Variants in PLXNA2 observed in about 807,000 individuals in gnomAD.
PLXNA2 encodes the protein plexin A2.
PLXNA2 carries 91 observed loss-of-function variants against 193.5 expected under a neutral mutation model. The ratio of observed to expected loss-of-function variants is 0.47; its 90% confidence interval spans 0.40 to 0.56. PLXNA2 has a LOEUF of 0.56. Among genes scored for constraint, PLXNA2 ranks in the 20% least tolerant of loss-of-function variants. The pLI is 0.00. For missense variants in PLXNA2, 1,995 were observed against 2,503.2 expected, an observed-to-expected ratio of 0.80 and a Z score of 4.33; for synonymous variants, 997 against 1,027.3, an observed-to-expected ratio of 0.97 and a Z score of 0.56.
intron 3 of PLXNA2, among the ~76,000 whole-genome samples, chr1:208,155,722 C>T (rs530537845): frequency 3.2e-4 from 49 of 152,320 alleles, no homozygotes; most frequent in African/African-American, 1.2e-3. Flanking sequence ...GGACTTGTCC[C>T]ACCCTCCCTG....
chr1:208,074,036 C>T (rs1666059819), intron 12 of PLXNA2, among the ~76,000 whole-genome samples: 1 of 152,168 alleles, frequency 6.6e-6, no homozygotes, highest in Non-Finnish European at 1.5e-5. Flanking sequence ...TAGGGCAGCC[C>T]TAGGAAACTG....
Position 208,210,343 on chromosome 1 carries a change from G to A in PLXNA2, c.1308C>T (p.Ala436=). Residue 436 remains alanine, a synonymous_variant, in exon 3 of 32, where the codon GCC becomes GCT. Transcript: ENST00000367033. ...TTSRDRMTSV[A]SYVYNGYSVV... ...CGCTGTAGCCGTTGTAAACGTAGGA[G>A]GCCACAGAGGTCATGCGGTCCCTGC... The A allele has an allele frequency of 1.2e-6, 2 of 1,614,048 alleles. No homozygotes were observed. The highest frequency in any genetic ancestry group is 1.1e-5 in the South Asian group (1 of 91,076).
intron 4 of PLXNA2, among the ~76,000 whole-genome samples, chr1:208,135,840 A>G (rs1668285034): frequency 6.6e-6 from 1 of 152,180 alleles, no homozygotes; most frequent in South Asian, 2.1e-4. Flanking sequence ...GACCACACGC[A>G]TCAGAATCAC....
chr1:208,069,625 G>C (rs1665916248), intron 12 of PLXNA2, among the ~76,000 whole-genome samples: 1 of 152,130 alleles, frequency 6.6e-6, no homozygotes, highest in Non-Finnish European at 1.5e-5. Flanking sequence ...GCTGTTCCTA[G>C]GTTCAGCCTC....
chr1:208,184,572 G>A (rs553462697), intron 3 of PLXNA2, among the ~76,000 whole-genome samples: 1,840 of 152,200 alleles, frequency 0.012, 14 homozygotes, highest in Non-Finnish European at 0.019. Flanking sequence ...TGGGGATGAA[G>A]CAAGCAGTTA....
intron 29 of PLXNA2, chr1:208,030,371 C>T: frequency 5.1e-6 from 5 of 985,772 alleles, no homozygotes; most frequent in Non-Finnish European, 4.8e-6. Context: ...TAACCCTGGA[C>T]TTTCTCTTGA....
At chr1:208,111,384 C>T (rs773230886) in intron 4 of PLXNA2, among the ~76,000 whole-genome samples, 2 of 152,070 alleles carry the variant, frequency 1.3e-5, no homozygotes, top group Non-Finnish European at 2.9e-5. Flanking sequence ...TGTTTTTAAG[C>T]TTACTAGGAC....
intron 3 of PLXNA2, among the ~76,000 whole-genome samples, chr1:208,173,251 C>T (rs770403155): frequency 4.6e-5 from 7 of 152,178 alleles, no homozygotes; most frequent in East Asian, 1.9e-4. Flanking sequence ...ACTAGTATTA[C>T]GGCCACTAGT....
chr1:208,158,835 C>G lies in PLXNA2; in HGVS notation c.1372-16372G>C, dbSNP rs932595133. On this transcript the variant is annotated intron_variant, in intron 3 of 31. Transcript: ENST00000367033. ...ATTCCCTACAGGTGGTCTGAGCTGC[C>G]TCTGACCCTGTCGGGTTCTCCAACA... Among the ~76,000 whole-genome samples the G allele has an allele frequency of 3.9e-5, 6 of 152,210 alleles. No homozygotes were observed. The East Asian group carries it at 9.6e-4, about 24-fold the overall frequency.
chr1:208,185,321 G>C (rs1000527645), intron 3 of PLXNA2, among the ~76,000 whole-genome samples: 10 of 152,206 alleles, frequency 6.6e-5, no homozygotes, highest in Admixed American at 2.6e-4. Context: ...GTGCTGCAGG[G>C]AGATCCTGGT....
chr1:208,052,266 C>A, intron 15 of PLXNA2, 61 bp downstream of exon 15: 1 of 1,558,856 alleles, frequency 6.4e-7, no homozygotes. Context: ...TGCACAGTAA[C>A]ATGTGAACAG....
At position 208,236,422 on chromosome 1, in the gene PLXNA2, C is replaced by T. The variant is rs1047790305; in HGVS notation, c.-81+7221G>A. On this transcript the variant is annotated intron_variant, in intron 1 of 31. Transcript: ENST00000367033. This position sits in a 1 kb window ranked among gnomAD's most constrained non-coding sequence, Gnocchi z 4.4. ...TCCCCTCTTGCCACTTCTGTCTGCC[C>T]GCTGGTCCTGCTGCCTCTATAAGGC... is the stretch of plus-strand genomic sequence containing the variant. Among the ~76,000 whole-genome samples the T allele has an allele frequency of 5.3e-5, 8 of 152,234 alleles. No individual in the cohort carries two copies. The highest frequency in any genetic ancestry group is 1.2e-4 in the African/African-American group (5 of 41,530).
rs34413554 is a variant in PLXNA2, at chr1:208,209,983, A to AATTTT, written c.1371+296_1371+297insAAAAT. On this transcript the variant is annotated intron_variant, in intron 3 of 31. Transcript: ENST00000367033. ...TTGCTTGATTTGGGAATGAAGAGCA[A>AATTTT]TTTTTTTTTTTTTTTTTTTTTGCTT... 6.7e-3 allele frequency: 592 copies of AATTTT among 87,918 alleles called. 94 individuals are homozygous for AATTTT. Among genetic ancestry groups the AATTTT allele is most frequent in the East Asian group, 0.026 (63 of 2,454 alleles). 5.4% of individuals were successfully genotyped at this position (87,918 alleles called of 1,614,324 possible). A position where few individuals can be genotyped will look rare whatever the true frequency, so the allele number is the denominator to read the frequency against.
intron 12 of PLXNA2, among the ~76,000 whole-genome samples, chr1:208,061,225 C>T (rs1413243092): frequency 6.6e-6 from 1 of 152,168 alleles, no homozygotes; most frequent in Non-Finnish European, 1.5e-5. Context: ...ATAATCATTT[C>T]TGCCAACCTC....
chr1:208,137,917 G>A (rs1049968209), intron 4 of PLXNA2, among the ~76,000 whole-genome samples: 2 of 152,042 alleles, frequency 1.3e-5, no homozygotes, highest in Admixed American at 1.3e-4. Context: ...CACTCTCACG[G>A]CCCCAAGAAT....
intron 3 of PLXNA2, among the ~76,000 whole-genome samples, chr1:208,161,170 G>C (rs1368521574): frequency 6.6e-6 from 1 of 152,142 alleles, no homozygotes; most frequent in East Asian, 1.9e-4. Context: ...TTTTGCTTCA[G>C]AAAACCAGTC....
intron 11 of PLXNA2, among the ~76,000 whole-genome samples, chr1:208,079,936 C>T (rs1388946519): frequency 6.6e-6 from 1 of 152,204 alleles, no homozygotes; most frequent in East Asian, 1.9e-4. Context: ...ATTCTCCACT[C>T]TCACATATGG....
chr1:208,033,918 G>A (rs1174952676), intron 27 of PLXNA2, among the ~76,000 whole-genome samples: 2 of 152,194 alleles, frequency 1.3e-5, no homozygotes, highest in Non-Finnish European at 2.9e-5. Context: ...CTTGCATGGG[G>A]CCTGGGGTAT....
intron 4 of PLXNA2, among the ~76,000 whole-genome samples, chr1:208,132,400 A>C (rs1016855051): frequency 2.6e-5 from 4 of 152,078 alleles, no homozygotes; most frequent in African/African-American, 9.7e-5. Context: ...AGAGGTGTGG[A>C]TTTGGCTTCA....
Sources: gnomAD v4.1 joint callset for allele counts (sites outside exome capture counted in the v4.1 genomes callset) on GRCh38, gnomAD v4.1.1 for gene constraint, Gnocchi (gnomAD v3.1) non-coding constraint, MANE v1.5 for transcripts, NCBI Gene and HGNC (gene_info 2026-07-23, HGNC 2026-07-21) for gene names.